FAM3C: variants seen among roughly 807,000 people sequenced by gnomAD.
FAM3C encodes the protein FAM3 metabolism regulating signaling molecule C, also known as protein FAM3C.
A neutral mutation model predicts 32.5 loss-of-function variants in FAM3C; 15 were observed. The ratio of observed to expected loss-of-function variants is 0.46; its 90% confidence interval spans 0.31 to 0.71. The LOEUF (loss-of-function observed/expected upper bound fraction) is 0.71, where lower values mean the gene tolerates loss of function less well. Ranked by LOEUF, FAM3C falls within the 30% of genes least tolerant of loss-of-function variation. The probability of loss-of-function intolerance (pLI) is 0.05; values close to 1 mark genes in which losing one functional copy is unlikely to be tolerated. For synonymous variants in FAM3C, 75 were observed against 86.1 expected (o/e 0.87, Z 0.72); for missense variants, 175 against 274.4 (o/e 0.64, Z 2.56).
intron 2 of FAM3C, chr7:121,380,305 A>C (rs1794323347): frequency 6.6e-6 from 1 of 152,172 alleles, no homozygotes; most frequent in Non-Finnish European, 1.5e-5. Context: ...TTCAAAACTG[A>C]AAAATTAAAA....
At chr7:121,393,989 C>G (rs1158912582) in intron 1 of FAM3C, among the ~76,000 whole-genome samples, 1 of 152,162 alleles carries the variant, frequency 6.6e-6, no homozygotes, top group Non-Finnish European at 1.5e-5. Context: ...ACATAAAAAT[C>G]TTTTGCTATT....
intron 3 of FAM3C, among the ~76,000 whole-genome samples, chr7:121,377,260 T>C (rs1794257311): frequency 6.6e-6 from 1 of 152,164 alleles, no homozygotes; most frequent in East Asian, 1.9e-4. Context: ...TCCCCAGCCC[T>C]GCAGAACTGT....
intron 5 of FAM3C, among the ~76,000 whole-genome samples, chr7:121,368,972 G>GTT (rs563834740): frequency 6.8e-4 from 65 of 96,050 alleles, no homozygotes; most frequent in East Asian, 1.2e-3. Flanking sequence ...TGTTGTTGTT[G>GTT]TTTTTTTTTT....
intron 1 of FAM3C, among the ~76,000 whole-genome samples, chr7:121,388,809 A>T (rs898776655): frequency 6.6e-6 from 1 of 152,106 alleles, no homozygotes; most frequent in African/African-American, 2.4e-5. Context: ...AAAAGCACAA[A>T]TGAGCCAGAA....
intron 1 of FAM3C, among the ~76,000 whole-genome samples, chr7:121,395,657 G>A (rs967237755): frequency 5.9e-5 from 9 of 152,096 alleles, no homozygotes; most frequent in African/African-American, 9.7e-5. Context: ...AAACATCAAA[G>A]GGCTGGATAG....
chr7:121,372,964 G>GTTT (rs1794176989), intron 3 of FAM3C, among the ~76,000 whole-genome samples: 1 of 152,110 alleles, frequency 6.6e-6, no homozygotes, highest in African/African-American at 2.4e-5. Flanking sequence ...GTATTGAAAT[G>GTTT]TTTAAAAAGA....
At chr7:121,364,423 T>C (rs1255646026) in intron 5 of FAM3C, 23 of 430,658 alleles carry the variant, frequency 5.3e-5, no homozygotes, top group Non-Finnish European at 9.4e-5. Flanking sequence ...TTAAAAAATA[T>C]TAGGCCTGAA....
At chr7:121,354,577 C>T (rs1793772046) in intron 8 of FAM3C, among the ~76,000 whole-genome samples, 3 of 152,134 alleles carry the variant, frequency 2.0e-5, no homozygotes. Flanking sequence ...CAAGCCAATG[C>T]TGCCTTTCTG....
At chr7:121,352,902 C>T (rs1193576723) in intron 8 of FAM3C, among the ~76,000 whole-genome samples, 1 of 152,106 alleles carries the variant, frequency 6.6e-6, no homozygotes, top group Non-Finnish European at 1.5e-5. Context: ...GAAGTCTACA[C>T]TTGCATCATC....
At chr7:121,372,204 T>A in intron 3 of FAM3C, 65 bp from the exon 4 acceptor site, 1 of 1,046,106 alleles carries the variant, frequency 9.6e-7, no homozygotes, top group Non-Finnish European at 1.5e-6. Flanking sequence ...ACTTTTAAAA[T>A]ATATTTAGGT....
intron 2 of FAM3C, among the ~76,000 whole-genome samples, chr7:121,382,664 C>T (rs1354398973): frequency 6.7e-6 from 1 of 149,608 alleles, no homozygotes; most frequent in Admixed American, 6.7e-5. Context: ...CTTTGAGCAT[C>T]ATGTGTTGCT....
intron 3 of FAM3C, among the ~76,000 whole-genome samples, chr7:121,375,574 G>A (rs559774277): frequency 1.3e-5 from 2 of 152,304 alleles, no homozygotes; most frequent in East Asian, 3.9e-4. Context: ...ACATCACTAT[G>A]ATGTTCATAA....
chr7:121,369,258 G>A (rs1206842157), intron 5 of FAM3C, among the ~76,000 whole-genome samples: 1 of 152,094 alleles, frequency 6.6e-6, no homozygotes, highest in African/African-American at 2.4e-5. Flanking sequence ...TGGGATTACA[G>A]GCATGAGCCA....
intron 1 of FAM3C, among the ~76,000 whole-genome samples, chr7:121,394,679 C>A (rs1794648811): frequency 6.6e-6 from 1 of 152,168 alleles, no homozygotes. Context: ...TGAAACAAAG[C>A]TTCTAATACC....
In FAM3C at chr7:121,350,327, T is replaced by C. The variant is rs1398652872; in HGVS notation, c.*134A>G. On this transcript the variant is annotated 3_prime_UTR_variant, in exon 10 of 10. Transcript: ENST00000359943. ...TTACGTTAGCAATAAATAATCCTGA[T>C]ATCAAAAGAGACAATACTCATGCAC... is the stretch of plus-strand genomic sequence containing the variant. The C allele has an allele frequency of 1.3e-6, 1 of 750,338 alleles. No homozygotes were observed. The highest frequency in any genetic ancestry group is 1.8e-5 in the African/African-American group (1 of 56,060). The allele number at this position is 750,338 out of a possible 1,614,324, so 46.5% of individuals were successfully genotyped here. A position where few individuals can be genotyped will look rare whatever the true frequency, so the allele number is the denominator to read the frequency against.
chr7:121,368,870 T>G (rs1277217256), intron 5 of FAM3C, among the ~76,000 whole-genome samples: 1 of 151,912 alleles, frequency 6.6e-6, no homozygotes, highest in African/African-American at 2.4e-5. Context: ...AATCTAAAAG[T>G]TAGACACCTC....
At chr7:121,361,337 T>C (rs932704918) in intron 7 of FAM3C, among the ~76,000 whole-genome samples, 6 of 152,214 alleles carry the variant, frequency 3.9e-5, no homozygotes, top group Non-Finnish European at 7.3e-5. Flanking sequence ...TTATATTTCA[T>C]AATAATAGCA....
intron 3 of FAM3C, among the ~76,000 whole-genome samples, chr7:121,376,929 G>A (rs112870368): frequency 4.6e-5 from 7 of 151,986 alleles, no homozygotes; most frequent in African/African-American, 7.3e-5. Flanking sequence ...AGATTCTTTC[G>A]GCATTAAAGT....
chr7:121,368,052 T>C (rs1471423199), intron 5 of FAM3C, among the ~76,000 whole-genome samples: 2 of 152,080 alleles, frequency 1.3e-5, no homozygotes, highest in Non-Finnish European at 2.9e-5. Flanking sequence ...GGTTCATACC[T>C]GCGATTTTCT....
Sources: gnomAD v4.1 joint callset for allele counts (sites outside exome capture counted in the v4.1 genomes callset) on GRCh38, gnomAD v4.1.1 for gene constraint, MANE v1.5 for transcripts, NCBI Gene and HGNC (gene_info 2026-07-23, HGNC 2026-07-21) for gene names.